The following URAD variants were observed in gnomAD, a reference collection of about 807,000 sequenced individuals.
URAD encodes putative 2-oxo-4-hydroxy-4-carboxy-5-ureidoimidazoline decarboxylase.
URAD carries 4 observed loss-of-function variants against 4.6 expected under a neutral mutation model. The ratio of observed to expected loss-of-function variants is 0.87; its 90% CI spans 0.43 to 1.98. The LOEUF (loss-of-function observed/expected upper bound fraction) is 1.98, where lower values mean the gene tolerates loss of function less well. Ranked by LOEUF, URAD falls within the 30% of genes most tolerant of loss-of-function variation. URAD has a pLI of 0.03. For synonymous variants in URAD, 144 were observed against 118.2 expected (o/e 1.22, Z -1.41); for missense variants, 300 against 255.3 (o/e 1.18, Z -1.19).
chr13:27,982,567 C>T (rs557022299), intron 1 of URAD, among the ~76,000 whole-genome samples: 2 of 152,286 alleles, frequency 1.3e-5, no homozygotes, highest in East Asian at 3.9e-4. Flanking sequence ...TTACTAAGTG[C>T]CCTCAGCCAG....
At chr13:27,982,199 G>A (rs568015081) in intron 1 of URAD, among the ~76,000 whole-genome samples, 2 of 152,292 alleles carry the variant, frequency 1.3e-5, no homozygotes, top group Non-Finnish European at 2.9e-5. Flanking sequence ...GGGAGGCCGA[G>A]GCGGGTGGAT....
Position 27,978,067 on chromosome 13 carries a change from G to T in URAD, c.*39C>A, listed in dbSNP as rs758370532. On this transcript the variant is annotated 3_prime_UTR_variant, in exon 2 of 2. Coordinates refer to ENST00000332715, the MANE Select transcript of URAD (RefSeq NM_001105577.2). ...CAGCTCCGGGCCGTGGCCCCCGCGCGTCCGGTTGTGCGTCCCGGGTCCCTG... is the reference window on the plus strand; with the variant it reads ...CAGCTCCGGGCCGTGGCCCCCGCGCTTCCGGTTGTGCGTCCCGGGTCCCTG... 2.1e-6 allele frequency: 3 copies of T among 1,409,718 alleles called. No homozygotes were observed. The highest frequency in any genetic ancestry group is 2.7e-6 in the Non-Finnish European group (3 of 1,091,938). 87.3% of individuals were successfully genotyped at this position (1,409,718 alleles called of 1,614,324 possible). A position where few individuals can be genotyped will look rare whatever the true frequency, so the allele number is the denominator to read the frequency against.
chr13:27,982,601 A>G (rs1238592692), intron 1 of URAD, among the ~76,000 whole-genome samples: 1 of 152,188 alleles, frequency 6.6e-6, no homozygotes, highest in Non-Finnish European at 1.5e-5. Context: ...AATGCCATCC[A>G]TTCTTTGATG....
chr13:27,985,716 C>T (rs1423301334), intron 1 of URAD, among the ~76,000 whole-genome samples: 1 of 152,172 alleles, frequency 6.6e-6, no homozygotes, highest in Non-Finnish European at 1.5e-5. Context: ...TGGGTTGACT[C>T]TCAGGGTTAT....
chr13:27,980,724 G>T (rs1428537617), intron 1 of URAD, among the ~76,000 whole-genome samples: 1 of 152,156 alleles, frequency 6.6e-6, no homozygotes, highest in Non-Finnish European at 1.5e-5. Context: ...CAGGCTCCCC[G>T]CGCAGGCCGC....
Position 27,977,813 on chromosome 13 carries a change from C to CA in URAD, c.*292dup. The CA allele has an allele frequency of 2.5e-6, 1 of 392,712 alleles. No individual in the cohort carries two copies. The highest frequency in any genetic ancestry group is 4.5e-6 in the Non-Finnish European group (1 of 221,332). The allele number at this position is 392,712 out of a possible 1,614,324, so 24.3% of individuals were successfully genotyped here. ...AACTGGATAAACGCTTTGGAATCCA[C>CA]AAAGGCCGGTGGTGTCGGGGGCCGC... On this transcript the variant is annotated 3_prime_UTR_variant, in exon 2 of 2. Transcript: ENST00000332715.
rs943023464 is a variant in URAD, at chr13:27,978,561, C to G, written c.176-109G>C. On this transcript the variant is annotated intron_variant, in intron 1 of 1. Coordinates refer to ENST00000332715, the MANE Select transcript of URAD (RefSeq NM_001105577.2). ...CCCGGCCCCCCTGCCCCGCCCCGCC[C>G]CGCCCGGCCCCAAAGAAGGCTGCGG... is the stretch of plus-strand genomic sequence containing the variant. 5.9e-6 allele frequency: 5 copies of G among 840,500 alleles called. No individual in the cohort carries two copies. In the East Asian group the frequency reaches 1.1e-4, roughly 18 times the overall value. The allele number at this position is 840,500 out of a possible 1,614,324, so 52.1% of individuals were successfully genotyped here.
intron 1 of URAD, 49 bp from the exon 2 acceptor site, chr13:27,978,501 C>T (rs1869785679): frequency 4.0e-6 from 5 of 1,248,826 alleles, no homozygotes; most frequent in Non-Finnish European, 5.0e-6. Context: ...CGCGCCCGTC[C>T]CGCACCGCGC....
chr13:27,978,241 C>G lies in URAD; in HGVS notation c.387G>C (p.Thr129=). 1 of 1,456,734 alleles carries G rather than the reference C, an allele frequency of 6.9e-7. No homozygotes were observed. Among genetic ancestry groups the G allele is most frequent in the Non-Finnish European group, 9.0e-7 (1 of 1,114,002 alleles). 90.2% of individuals were successfully genotyped at this position (1,456,734 alleles called of 1,614,324 possible). A position where few individuals can be genotyped will look rare whatever the true frequency, so the allele number is the denominator to read the frequency against. Residue 129 remains threonine, a synonymous_variant, in exon 2 of 2, where the codon ACG becomes ACC. Coordinates refer to ENST00000332715, the MANE Select transcript of URAD (RefSeq NM_001105577.2). The part of the protein sequence containing the change: ...FVLAARFSDR[T]AVPRELARRL... ...GGCGCGCCAGCTCGCGCGGCACCGCCGTCCGGTCGCTGAAGCGCGCGGCGA... is the reference window on the plus strand; with the variant it reads ...GGCGCGCCAGCTCGCGCGGCACCGCGGTCCGGTCGCTGAAGCGCGCGGCGA...
rs1305294665 is a variant in URAD, at chr13:27,978,072, GT to G, written c.*33del. The G allele has an allele frequency of 7.0e-7, 1 of 1,422,308 alleles. No individual in the cohort carries two copies. Among genetic ancestry groups the G allele is most frequent in the African/African-American group, 1.5e-5 (1 of 66,312 alleles). The allele number at this position is 1,422,308 out of a possible 1,614,324, so 88.1% of individuals were successfully genotyped here. A position where few individuals can be genotyped will look rare whatever the true frequency, so the allele number is the denominator to read the frequency against. On this transcript the variant is annotated 3_prime_UTR_variant, in exon 2 of 2. Coordinates refer to ENST00000332715, the MANE Select transcript of URAD (RefSeq NM_001105577.2). Reference sequence around the variant, plus strand: ...CCGGGCCGTGGCCCCCGCGCGTCCGGTTGTGCGTCCCGGGTCCCTGGCCCGC... The same window carrying G: ...CCGGGCCGTGGCCCCCGCGCGTCCGGTGTGCGTCCCGGGTCCCTGGCCCGC...
At position 27,978,375 on chromosome 13, in the gene URAD, G is replaced by A; in HGVS notation, c.253C>T (p.Gln85Ter). The part of the protein sequence containing the change: ...LQRGTLTAES[Q>*]REQSGAGLRS... ...AGGCCTGCGCCGCTCTGTTCCCGCT[G>A]CGACTCGGCCGTGAGCGTGCCCCGC... The change falls in exon 2 of 2, where the codon CAG becomes TAG. Residue 85 changes from glutamine to a stop codon, truncating the protein, a stop_gained. Transcript: ENST00000332715. LOFTEE classifies it low-confidence loss of function (END_TRUNC). The A allele has an allele frequency of 1.4e-6, 2 of 1,402,606 alleles. No homozygotes were observed. Among genetic ancestry groups the A allele is most frequent in the Non-Finnish European group, 1.8e-6 (2 of 1,085,136 alleles). 86.9% of individuals were successfully genotyped at this position (1,402,606 alleles called of 1,614,324 possible). A position where few individuals can be genotyped will look rare whatever the true frequency, so the allele number is the denominator to read the frequency against.
intron 1 of URAD, among the ~76,000 whole-genome samples, chr13:27,986,844 GC>G (rs1205922382): frequency 2.6e-5 from 4 of 152,184 alleles, no homozygotes; most frequent in African/African-American, 9.7e-5. Context: ...CAGGAGTTCA[GC>G]TGAGAGGCTG....
chr13:27,985,388 G>A (rs1243733294), intron 1 of URAD, among the ~76,000 whole-genome samples: 2 of 152,128 alleles, frequency 1.3e-5, no homozygotes, highest in African/African-American at 4.8e-5. Context: ...AACCCGGGAG[G>A]GTGAGGATGC....
intron 1 of URAD, among the ~76,000 whole-genome samples, 159 bp downstream of exon 1, chr13:27,988,304 C>G (rs1870095477): frequency 6.6e-6 from 1 of 152,120 alleles, no homozygotes; most frequent in South Asian, 2.1e-4. Context: ...GTTGCCTAGA[C>G]TGGTCTCAAA....
chr13:27,987,498 C>G (rs1472639365), intron 1 of URAD, among the ~76,000 whole-genome samples: 1 of 152,188 alleles, frequency 6.6e-6, no homozygotes, highest in Admixed American at 6.5e-5. Flanking sequence ...CTCTCCTCGG[C>G]CATCCAGTCC....
chr13:27,982,893 G>A (rs1869916150), intron 1 of URAD, among the ~76,000 whole-genome samples: 1 of 152,120 alleles, frequency 6.6e-6, no homozygotes, highest in African/African-American at 2.4e-5. Context: ...GACTCTAACT[G>A]TAAGCCCTAT....
intron 1 of URAD, among the ~76,000 whole-genome samples, chr13:27,983,210 G>C (rs1869924886): frequency 6.6e-6 from 1 of 151,860 alleles, no homozygotes. Flanking sequence ...GTTCATCCTG[G>C]TCTCAGGTTC....
At position 27,988,489 on chromosome 13, in the gene URAD, G is replaced by C; in HGVS notation, c.149C>G (p.Ala50Gly). 1.2e-6 allele frequency: 2 copies of C among 1,612,690 alleles called. No homozygotes were observed. The highest frequency in any genetic ancestry group is 2.7e-5 in the African/African-American group (2 of 74,956). The change falls in exon 1 of 2, where the codon GCC becomes GGC. Residue 50 changes from alanine (A) to glycine (G), a missense_variant. By Grantham distance (60) the Ala-to-Gly change is moderately conservative. Transcript: ENST00000332715. ...DLEDLEKHFF[A>G]FIDALAQSGQ... ...TGACTGTGCAAGGGCATCAATAAAG[G>C]CAAAAAAGTGCTTCTCTAAATCTTC...
intron 1 of URAD, among the ~76,000 whole-genome samples, chr13:27,979,926 A>G (rs536311090): frequency 6.6e-5 from 10 of 152,306 alleles, no homozygotes; most frequent in African/African-American, 2.4e-4. Context: ...TGACCTGCCT[A>G]GGGTCACTCA....
Sources: gnomAD v4.1 joint callset for allele counts (sites outside exome capture counted in the v4.1 genomes callset) on GRCh38, gnomAD v4.1.1 for gene constraint, MANE v1.5 for transcripts, NCBI Gene and HGNC (gene_info 2026-07-23, HGNC 2026-07-21) for gene names.